Variants in CCR1 observed in about 807,000 individuals in gnomAD.
CCR1 encodes the protein C-C chemokine receptor type 1.
Under a neutral mutation model 0.3 loss-of-function variants are expected in CCR1, and 1 was observed. The observed-to-expected ratio is 3.70, with a 90% CI of 1.31 to 17.54. The LOEUF is 17.54. Ranked by LOEUF, CCR1 falls within the 30% of genes most tolerant of loss-of-function variation. The pLI is 0.11. For synonymous variants in CCR1, 207 were observed against 182.5 expected (o/e 1.13, Z -1.08); for missense variants, 349 against 435.4 (o/e 0.80, Z 1.77).
intron 1 of CCR1, among the ~76,000 whole-genome samples, chr3:46,208,041 G>C (rs1175543546): frequency 6.6e-6 from 1 of 152,120 alleles, no homozygotes; most frequent in Non-Finnish European, 1.5e-5. Context: ...CTTCAAGTAA[G>C]CTTCCTTTTT....
At chr3:46,207,793 C>T (rs1033616382) in intron 1 of CCR1, among the ~76,000 whole-genome samples, 19 of 151,450 alleles carry the variant, frequency 1.3e-4, no homozygotes, top group Admixed American at 5.3e-4. Context: ...TACAGGCATG[C>T]GCCACCATGC....
rs1369711659 is a variant in CCR1, at chr3:46,202,782, C to CGGGGGGGGGGTGGG, written c.*463_*464insCCCACCCCCCCCCC. The CGGGGGGGGGGTGGG allele has an allele frequency of 1.5e-5, 1 of 66,652 alleles. No homozygotes were observed. Among genetic ancestry groups the CGGGGGGGGGGTGGG allele is most frequent in the Non-Finnish European group, 3.2e-5 (1 of 31,496 alleles). The allele number at this position is 66,652 out of a possible 1,614,324, so 4.1% of individuals were successfully genotyped here. A position where few individuals can be genotyped will look rare whatever the true frequency, so the allele number is the denominator to read the frequency against. Reference sequence around the variant, plus strand: ...AAGTTCTTTGGCAGTGGGAGGGTGGCGGGGGGGGGGAGGTGATGGAAGAAC... The same window carrying CGGGGGGGGGGTGGG: ...AAGTTCTTTGGCAGTGGGAGGGTGGCGGGGGGGGGGTGGGGGGGGGGGGGAGGTGATGGAAGAAC... On this transcript the variant is annotated 3_prime_UTR_variant, in exon 2 of 2. Transcript: ENST00000296140.
rs1172536585 is a variant in CCR1, at chr3:46,203,656, T to C, written c.658A>G (p.Thr220Ala). The C allele has an allele frequency of 6.2e-7, 1 of 1,614,226 alleles. No homozygotes were observed. The highest frequency in any genetic ancestry group is 8.5e-7 in the Non-Finnish European group (1 of 1,180,042). The change falls in exon 2 of 2, where the codon ACA (threonine) becomes GCA (alanine). Residue 220 changes from threonine to alanine, a missense_variant. Thr to Ala is a moderately conservative substitution (Grantham distance 58). Coordinates refer to ENST00000296140, the MANE Select transcript of CCR1 (RefSeq NM_001295.3). This position sits in a 1 kb window ranked among gnomAD's most constrained non-coding sequence, Gnocchi z 4.5. ...LPLLVMIICY[T>A]GIIKILLRRP... ...CTTAGCAGAATCTTTATAATCCCTG[T>C]GTAGCAGATGATCATGACCAACAAA...
rs201582618 is a variant in CCR1 at position 46,203,410 on chromosome 3, C to T, written c.904G>A (p.Ala302Thr). The part of the protein sequence containing the change: ...THCCVNPVIY[A>T]FVGERFRKYL... Reference sequence around the variant, plus strand: ...TTCCGGAACCTCTCACCAACGAAGGCGTAGATCACTGGGTTGACACAGCAG... The same window carrying T: ...TTCCGGAACCTCTCACCAACGAAGGTGTAGATCACTGGGTTGACACAGCAG... Residue 302 changes from alanine to threonine, a missense_variant, in exon 2 of 2, where the codon GCC (alanine) becomes ACC (threonine). Physicochemically the swap from Ala to Thr is moderately conservative, Grantham distance 58. Coordinates refer to ENST00000296140, the MANE Select transcript of CCR1 (RefSeq NM_001295.3). This position sits in a 1 kb window ranked among gnomAD's most constrained non-coding sequence, Gnocchi z 4.5. 70 of 1,614,028 alleles carry T rather than the reference C, an allele frequency of 4.3e-5. No individual in the cohort carries two copies. The highest frequency in any genetic ancestry group is 5.2e-5 in the Non-Finnish European group (61 of 1,180,042).
chr3:46,205,233 G>A (rs150811839), intron 1 of CCR1, among the ~76,000 whole-genome samples: 33 of 152,270 alleles, frequency 2.2e-4, no homozygotes, highest in Admixed American at 5.2e-4. Flanking sequence ...AGTGGGCTGA[G>A]CCTGACCCAC....
Position 46,203,148 on chromosome 3 carries a change from G to A in CCR1, c.*98C>T, listed in dbSNP as rs550963182. On this transcript the variant is annotated 3_prime_UTR_variant, in exon 2 of 2. Coordinates refer to ENST00000296140, the MANE Select transcript of CCR1 (RefSeq NM_001295.3). The surrounding 1 kb of genome is among the most constrained non-coding windows in gnomAD (Gnocchi z 4.5). Reference sequence around the variant, plus strand: ...CCAAGTGGCTGTGACTCCATGCTGTGCCAAGAGTCAGAACCTGGCTGGGAG... The same window carrying A: ...CCAAGTGGCTGTGACTCCATGCTGTACCAAGAGTCAGAACCTGGCTGGGAG... 8.3e-6 allele frequency: 7 copies of A among 841,436 alleles called. No individual in the cohort carries two copies. Among genetic ancestry groups the A allele is most frequent in the Admixed American group, 7.6e-5 (3 of 39,592 alleles). The allele number at this position is 841,436 out of a possible 1,614,324, so 52.1% of individuals were successfully genotyped here. A position where few individuals can be genotyped will look rare whatever the true frequency, so the allele number is the denominator to read the frequency against.
At position 46,203,132 on chromosome 3, in the gene CCR1, T is replaced by A. The variant is rs764260823; in HGVS notation, c.*114A>T. The A allele has an allele frequency of 2.8e-5, 20 of 704,124 alleles. 1 individual carries two copies. The highest frequency in any genetic ancestry group is 1.1e-4 in the Admixed American group (4 of 35,278). 43.6% of individuals were successfully genotyped at this position (704,124 alleles called of 1,614,324 possible). A position where few individuals can be genotyped will look rare whatever the true frequency, so the allele number is the denominator to read the frequency against. On this transcript the variant is annotated 3_prime_UTR_variant, in exon 2 of 2. Transcript: ENST00000296140. This position sits in a 1 kb window ranked among gnomAD's most constrained non-coding sequence, Gnocchi z 4.5. The stretch of plus-strand genomic sequence containing the variant: ...ACATTCCCTCTCTATCCCAAGTGGC[T>A]GTGACTCCATGCTGTGCCAAGAGTC...
In CCR1 at chr3:46,201,771, AC is replaced by A. The variant is rs1699597593; in HGVS notation, c.*1474del. 1 of 152,202 alleles carries A rather than the reference AC, an allele frequency of 6.6e-6. No individual in the cohort carries two copies. Among genetic ancestry groups the A allele is most frequent in the Non-Finnish European group, 1.5e-5 (1 of 68,022 alleles). The allele number at this position is 152,202 out of a possible 1,614,324, so 9.4% of individuals were successfully genotyped here. A position where few individuals can be genotyped will look rare whatever the true frequency, so the allele number is the denominator to read the frequency against. The stretch of plus-strand genomic sequence containing the variant: ...CACAACTTGCTGCTAATTAAAACCA[AC>A]AATAGAACAGTGAGTACAATTGAAG... On this transcript the variant is annotated 3_prime_UTR_variant, in exon 2 of 2. Transcript: ENST00000296140.
At position 46,204,332 on chromosome 3, in the gene CCR1, TTA is replaced by T; in HGVS notation, c.-11-10_-11-9del. ...TTTCCATCCCGGCTTCTCCTACAGGTTAAAAAAAAAAAAAAGATTTGTCTTTA... is the reference window on the plus strand; with the variant it reads ...TTTCCATCCCGGCTTCTCCTACAGGTAAAAAAAAAAAAAGATTTGTCTTTA... On this transcript the variant is annotated splice_polypyrimidine_tract_variant and intron_variant, in intron 1 of 1. Transcript: ENST00000296140. The T allele has an allele frequency of 6.8e-7, 1 of 1,464,266 alleles. No homozygotes were observed. Among genetic ancestry groups the T allele is most frequent in the Non-Finnish European group, 9.1e-7 (1 of 1,103,078 alleles). The allele number at this position is 1,464,266 out of a possible 1,614,324, so 90.7% of individuals were successfully genotyped here.
rs765019844 is a variant in CCR1 at position 46,204,276 on chromosome 3, G to T, written c.38C>A (p.Thr13Asn). 6.2e-7 allele frequency: 1 copy of T among 1,611,568 alleles called. No individual in the cohort carries two copies. Among genetic ancestry groups the T allele is most frequent in the South Asian group, 1.1e-5 (1 of 90,722 alleles). Residue 13 changes from threonine (T) to asparagine (N), a missense_variant, in exon 2 of 2, where the codon ACC (threonine) becomes AAC (asparagine). Coordinates refer to ENST00000296140, the MANE Select transcript of CCR1 (RefSeq NM_001295.3). ...TGCATCCCCATAGTCAAACTCTGTG[G>T]TCGTGTCATAGTCCTCTGTGGTGTT... ...TPNTTEDYDT[T>N]TEFDYGDATP...
At position 46,204,280 on chromosome 3, in the gene CCR1, T is replaced by C. The variant is rs1699627390; in HGVS notation, c.34A>G (p.Thr12Ala). Residue 12 changes from threonine to alanine, a missense_variant, in exon 2 of 2, where the codon ACG becomes GCG. Transcript: ENST00000296140. ...ETPNTTEDYD[T>A]TTEFDYGDAT... The stretch of plus-strand genomic sequence containing the variant: ...TCCCCATAGTCAAACTCTGTGGTCG[T>C]GTCATAGTCCTCTGTGGTGTTTGGA... 1.9e-6 allele frequency: 3 copies of C among 1,610,224 alleles called. No homozygotes were observed. In the South Asian group the frequency reaches 3.3e-5, roughly 18 times the overall value.
At chr3:46,204,959 A>T (rs1304145607) in intron 1 of CCR1, among the ~76,000 whole-genome samples, 1 of 152,240 alleles carries the variant, frequency 6.6e-6, no homozygotes, top group Non-Finnish European at 1.5e-5. Context: ...GCTCAGAGAA[A>T]GATACAAACA....
In CCR1 at chr3:46,203,516, G is replaced by C; in HGVS notation, c.798C>G (p.Asp266Glu). 1.2e-6 allele frequency: 2 copies of C among 1,614,174 alleles called. No homozygotes were observed. ...NLTILISVFQ[D>E]FLFTHECEQS... The stretch of plus-strand genomic sequence containing the variant: ...GCTCACACTCATGGGTGAACAGGAA[G>C]TCTTGGAAAACAGAAATAAGTATAG... Residue 266 changes from aspartate (D) to glutamate (E), a missense_variant, in exon 2 of 2, where the codon GAC (aspartate) becomes GAG (glutamate). By Grantham distance (45) the Asp-to-Glu change is conservative. Transcript: ENST00000296140. This position sits in a 1 kb window ranked among gnomAD's most constrained non-coding sequence, Gnocchi z 4.5.
chr3:46,205,958 C>G (rs866067006), intron 1 of CCR1, among the ~76,000 whole-genome samples: 4 of 152,158 alleles, frequency 2.6e-5, no homozygotes, highest in African/African-American at 4.8e-5. Flanking sequence ...CTCCCACCCC[C>G]CTGCCAAATT....
Position 46,203,439 on chromosome 3 carries a change from G to A in CCR1, c.875C>T (p.Thr292Met), listed in dbSNP as rs1343848926. 4.3e-6 allele frequency: 7 copies of A among 1,614,188 alleles called. No homozygotes were observed. Among genetic ancestry groups the A allele is most frequent in the Admixed American group, 1.7e-5 (1 of 60,022 alleles). ...AVQVTEVIAYTHCCVNPVIYA... is the reference protein window; with the variant it reads ...AVQVTEVIAYMHCCVNPVIYA... ...GATCACTGGGTTGACACAGCAGTGC[G>A]TGTAGGCGATCACCTCCGTCACTTG... is the stretch of plus-strand genomic sequence containing the variant. Residue 292 changes from threonine to methionine, a missense_variant, in exon 2 of 2, where the codon ACG becomes ATG. By Grantham distance (81) the Thr-to-Met change is moderately conservative. Coordinates refer to ENST00000296140, the MANE Select transcript of CCR1 (RefSeq NM_001295.3). The surrounding 1 kb of genome is among the most constrained non-coding windows in gnomAD (Gnocchi z 4.5).
chr3:46,204,291 T>A lies in CCR1; in HGVS notation c.23A>T (p.Glu8Val). The change falls in exon 2 of 2, where the codon GAG becomes GTG. Residue 8 changes from glutamate (E) to valine (V), a missense_variant. Coordinates refer to ENST00000296140, the MANE Select transcript of CCR1 (RefSeq NM_001295.3). Reference sequence around the variant, plus strand: ...AAACTCTGTGGTCGTGTCATAGTCCTCTGTGGTGTTTGGAGTTTCCATCCC... The same window carrying A: ...AAACTCTGTGGTCGTGTCATAGTCCACTGTGGTGTTTGGAGTTTCCATCCC... The part of the protein sequence containing the change: METPNTT[E>V]DYDTTTEFDY... 2 of 1,588,376 alleles carry A rather than the reference T, an allele frequency of 1.3e-6. No individual in the cohort carries two copies. The highest frequency in any genetic ancestry group is 8.6e-7 in the Non-Finnish European group (1 of 1,169,510).
chr3:46,207,707 C>A (rs1243462324), intron 1 of CCR1, among the ~76,000 whole-genome samples: 1 of 150,156 alleles, frequency 6.7e-6, no homozygotes, highest in Non-Finnish European at 1.5e-5. Flanking sequence ...TGTAGTGGTG[C>A]AATCTCAGCT....
rs1407081578 is a variant in CCR1, at chr3:46,203,492, C to T, written c.822G>A (p.Glu274=). Residue 274 remains glutamate (E), a synonymous_variant, in exon 2 of 2, where the codon GAG becomes GAA. Coordinates refer to ENST00000296140, the MANE Select transcript of CCR1 (RefSeq NM_001295.3). This position sits in a 1 kb window ranked among gnomAD's most constrained non-coding sequence, Gnocchi z 4.5. ...FQDFLFTHEC[E]QSRHLDLAVQ... is the part of the protein sequence containing the mutation. The stretch of plus-strand genomic sequence containing the variant: ...CAGCCAGGTCCAAATGTCTGCTCTG[C>T]TCACACTCATGGGTGAACAGGAAGT... 3 of 1,614,036 alleles carry T rather than the reference C, an allele frequency of 1.9e-6. No individual in the cohort carries two copies. Among genetic ancestry groups the T allele is most frequent in the Admixed American group, 3.3e-5 (2 of 60,012 alleles).
rs1699620450 is a variant in CCR1 at position 46,203,804 on chromosome 3, G to A, written c.510C>T (p.Tyr170=). ...TGAATTCCCATTGGGTCTTGGAAAA[G>A]TATAAGCCTGGCATGGAAGCCAAGA... ...LAILASMPGL[Y]FSKTQWEFTH... The change falls in exon 2 of 2, where the codon TAC becomes TAT. Residue 170 remains tyrosine (Y), a synonymous_variant. Coordinates refer to ENST00000296140, the MANE Select transcript of CCR1 (RefSeq NM_001295.3). This position sits in a 1 kb window ranked among gnomAD's most constrained non-coding sequence, Gnocchi z 4.5. 6.2e-7 allele frequency: 1 copy of A among 1,614,180 alleles called. No homozygotes were observed.
Sources: allele counts gnomAD v4.1 joint callset (sites outside exome capture counted in the v4.1 genomes callset), GRCh38; gene constraint gnomAD v4.1.1; non-coding constraint Gnocchi (gnomAD v3.1); transcripts MANE v1.5; gene names NCBI Gene and HGNC (gene_info 2026-07-23, HGNC 2026-07-21).